FAR2: variants seen among roughly 807,000 people sequenced by gnomAD.
FAR2 encodes the protein epididymis secretory protein Li 81.
In FAR2, 19 loss-of-function variants were observed where a neutral mutation model predicts 56.0. The ratio of observed to expected loss-of-function variants is 0.34; its 90% CI spans 0.24 to 0.50. The LOEUF (loss-of-function observed/expected upper bound fraction) is 0.50. FAR2 is among the 20% of genes least tolerant of loss of function. The probability of loss-of-function intolerance (pLI) is 0.98; values close to 1 mark genes in which losing one functional copy is unlikely to be tolerated. For missense variants in FAR2, 508 were observed against 642.2 expected (o/e 0.79, Z 2.26); for synonymous variants, 219 against 218.8 (o/e 1.00, Z -0.01).
In FAR2 at chr12:29,168,971, AT is replaced by A. The variant is rs1479564869; in HGVS notation, c.-39+19566del. On this transcript the variant is annotated intron_variant, in intron 1 of 11. Coordinates refer to ENST00000536681, the MANE Select transcript of FAR2 (RefSeq NM_001271783.2). ...GATTGGTCCATTTTACAGAGTGCTG[AT>A]TGATGTGTTTACAATCCTTTAGCTA... is the stretch of plus-strand genomic sequence containing the variant. Among the ~76,000 whole-genome samples the A allele has an allele frequency of 4.6e-5, 7 of 152,188 alleles. No homozygotes were observed. In the South Asian group the frequency reaches 8.3e-4, roughly 18 times the overall value.
chr12:29,323,017 C>T (rs1949578545), intron 10 of FAR2, among the ~76,000 whole-genome samples: 1 of 152,260 alleles, frequency 6.6e-6, no homozygotes, highest in Non-Finnish European at 1.5e-5. Context: ...CACCCGTCTT[C>T]TGCGTCGCTC....
At chr12:29,297,931 ACTTGAACCTGGGGAGAATCG>A (rs1417986045) in intron 4 of FAR2, among the ~76,000 whole-genome samples, 2 of 151,098 alleles carry the variant, frequency 1.3e-5, no homozygotes, top group Non-Finnish European at 2.9e-5. Flanking sequence ...CAGGAGAATC[ACTTGAACCTGGGGAGAATCG>A]CTTGAACCTG....
At chr12:29,178,468 T>C (rs1261081853) in intron 1 of FAR2, among the ~76,000 whole-genome samples, 2 of 152,198 alleles carry the variant, frequency 1.3e-5, no homozygotes, top group South Asian at 2.1e-4. Context: ...TGATGGTGCC[T>C]GTCTGTAGTT....
chr12:29,296,928 G>C, intron 3 of FAR2, 93 bp from the exon 4 acceptor site: 1 of 1,229,440 alleles, frequency 8.1e-7, no homozygotes. Context: ...ACCAAAATCT[G>C]ATAGGTATGC....
rs1241963360 is a variant in FAR2 at position 29,333,772 on chromosome 12, C to A, written c.1526C>A (p.Ala509Glu). 6.2e-7 allele frequency: 1 copy of A among 1,613,544 alleles called. No individual in the cohort carries two copies. Among genetic ancestry groups the A allele is most frequent in the African/African-American group, 1.3e-5 (1 of 74,904 alleles). The change falls in exon 12 of 12, where the codon GCA (alanine) becomes GAA (glutamate). Residue 509 changes from alanine (A) to glutamate (E), a missense_variant. Ala to Glu is a moderately radical substitution (Grantham distance 107). Transcript: ENST00000536681. Reference protein sequence around the residue: ...FCYKFLSYFRASSTLKV With the variant: ...FCYKFLSYFRESSTLKV ...TATAAATTCCTCTCCTACTTTAGAG[C>A]ATCCAGCACGCTCAAAGTTTAAGAG... is the stretch of plus-strand genomic sequence containing the variant.
At chr12:29,242,286 T>C (rs1249354689) in intron 1 of FAR2, among the ~76,000 whole-genome samples, 1 of 152,234 alleles carries the variant, frequency 6.6e-6, no homozygotes, top group East Asian at 1.9e-4. Context: ...ACTTCTCTTT[T>C]TGACCTCTGA....
intron 1 of FAR2, among the ~76,000 whole-genome samples, chr12:29,256,945 G>A (rs1948328340): frequency 6.6e-6 from 1 of 152,218 alleles, no homozygotes; most frequent in South Asian, 2.1e-4. Flanking sequence ...GGTCTCCTGT[G>A]GGGCCCCAGC....
chr12:29,222,082 C>T (rs562765403), intron 1 of FAR2, among the ~76,000 whole-genome samples: 6 of 152,218 alleles, frequency 3.9e-5, no homozygotes, highest in African/African-American at 1.2e-4. Flanking sequence ...CTCCTGACCT[C>T]GAGTGATCTG....
chr12:29,331,699 C>T (rs1331270405), intron 10 of FAR2: 1 of 152,036 alleles, frequency 6.6e-6, no homozygotes, highest in Non-Finnish European at 1.5e-5. Flanking sequence ...CAAGAATGAC[C>T]TATCAGGTTT....
At chr12:29,258,583 C>T (rs765912076) in intron 1 of FAR2, among the ~76,000 whole-genome samples, 2 of 152,142 alleles carry the variant, frequency 1.3e-5, no homozygotes, top group Non-Finnish European at 2.9e-5. Context: ...TATTATCATG[C>T]CTATTGCCAG....
chr12:29,262,434 C>T (rs1261971817), intron 1 of FAR2, among the ~76,000 whole-genome samples: 2 of 152,076 alleles, frequency 1.3e-5, no homozygotes, highest in East Asian at 3.9e-4. Flanking sequence ...AGTTCGAGAC[C>T]AGCCTGACCA....
chr12:29,227,106 A>G (rs1947781459), intron 1 of FAR2, among the ~76,000 whole-genome samples: 1 of 152,192 alleles, frequency 6.6e-6, no homozygotes, highest in Admixed American at 6.5e-5. Flanking sequence ...GGGAGGAATG[A>G]GAGATTTCTT....
Position 29,227,177 on chromosome 12 carries a change from A to G in FAR2, c.-38-43235A>G, listed in dbSNP as rs192081311. ...TTACGTGCCTATAATTGTTATATTT[A>G]TGATTCTGGTGTTTGTCACCAGATT... On this transcript the variant is annotated intron_variant, in intron 1 of 11. Transcript: ENST00000536681. Among the ~76,000 whole-genome samples, 19 of 152,324 alleles carry G rather than the reference A, an allele frequency of 1.2e-4. No individual in the cohort carries two copies. In the East Asian group the frequency reaches 2.9e-3, roughly 23 times the overall value.
At chr12:29,251,790 G>C (rs756225247) in intron 1 of FAR2, among the ~76,000 whole-genome samples, 4 of 152,070 alleles carry the variant, frequency 2.6e-5, no homozygotes, top group Admixed American at 6.6e-5. Flanking sequence ...ATTGTGCAAG[G>C]CTCTCCAGAA....
chr12:29,149,563 G>A (rs1040606234), intron 1 of FAR2, among the ~76,000 whole-genome samples, 156 bp downstream of exon 1: 1 of 152,242 alleles, frequency 6.6e-6, no homozygotes, highest in Admixed American at 6.5e-5. Context: ...GAGGCCGGGT[G>A]GGAGGAGAGA....
intron 2 of FAR2, among the ~76,000 whole-genome samples, chr12:29,289,833 C>G (rs986527946): frequency 1.3e-5 from 2 of 152,130 alleles, no homozygotes; most frequent in Non-Finnish European, 2.9e-5. Context: ...GGAGCTCAAA[C>G]AACTATACAG....
chr12:29,287,826 G>GCCT, intron 2 of FAR2, among the ~76,000 whole-genome samples: 1 of 152,236 alleles, frequency 6.6e-6, no homozygotes, highest in African/African-American at 2.4e-5. Flanking sequence ...AGGTCATGTG[G>GCCT]CTAACTAGTT....
At chr12:29,322,340 A>G (rs1276190215) in intron 10 of FAR2, among the ~76,000 whole-genome samples, 2 of 152,138 alleles carry the variant, frequency 1.3e-5, no homozygotes, top group Non-Finnish European at 2.9e-5. Flanking sequence ...TTCTTGTCCA[A>G]TCAAAATTGT....
At chr12:29,155,727 C>T (rs887198236) in intron 1 of FAR2, among the ~76,000 whole-genome samples, 3 of 152,100 alleles carry the variant, frequency 2.0e-5, no homozygotes, top group Non-Finnish European at 4.4e-5. Context: ...TCTAGTCATC[C>T]CTATTGGCTA....
Sources: allele counts gnomAD v4.1 joint callset (sites outside exome capture counted in the v4.1 genomes callset), GRCh38; gene constraint gnomAD v4.1.1; transcripts MANE v1.5; gene names NCBI Gene and HGNC (gene_info 2026-07-23, HGNC 2026-07-21).